Variants in ARHGEF19 observed in about 807,000 individuals in gnomAD.
ARHGEF19 encodes Rho guanine nucleotide exchange factor 19.
Under a neutral mutation model 87.6 loss-of-function variants are expected in ARHGEF19, and 92 were observed. The ratio of observed to expected loss-of-function variants is 1.05; its 90% CI spans 0.89 to 1.25. ARHGEF19 has a LOEUF of 1.25. ARHGEF19 is among the 50% of genes most tolerant of loss of function. The probability of loss-of-function intolerance (pLI) is 0.00; values close to 1 mark genes in which losing one functional copy is unlikely to be tolerated. For missense variants in ARHGEF19, 1,054 were observed against 1,051.8 expected (o/e 1.00, Z -0.03); for synonymous variants, 438 against 446.2 (o/e 0.98, Z 0.23).
In ARHGEF19 at chr1:16,205,767, T is replaced by A. The variant is rs1238385147; in HGVS notation, c.1452-100A>T. ...GGTCCTCAGGGGGCTTCTCAGCACA[T>A]CCTTACTGCCCTTTGGGGTTGCATC... On this transcript the variant is annotated intron_variant, in intron 8 of 15. Coordinates refer to ENST00000270747, the MANE Select transcript of ARHGEF19 (RefSeq NM_153213.5). The surrounding 1 kb of genome is among the most constrained non-coding windows in gnomAD (Gnocchi z 5.8). 3 of 1,499,478 alleles carry A rather than the reference T, an allele frequency of 2.0e-6. No homozygotes were observed. Among genetic ancestry groups the A allele is most frequent in the Non-Finnish European group, 2.7e-6 (3 of 1,121,040 alleles). The allele number at this position is 1,499,478 out of a possible 1,614,324, so 92.9% of individuals were successfully genotyped here.
rs2081120978 is a variant in ARHGEF19 at position 16,205,499 on chromosome 1, C to T, written c.1581+39G>A. The T allele has an allele frequency of 6.2e-7, 1 of 1,613,586 alleles. No homozygotes were observed. On this transcript the variant is annotated intron_variant, in intron 9 of 15. Coordinates refer to ENST00000270747, the MANE Select transcript of ARHGEF19 (RefSeq NM_153213.5). This position sits in a 1 kb window ranked among gnomAD's most constrained non-coding sequence, Gnocchi z 5.8. ...CCGGCCCGCCCACAGGTGTATCTCC[C>T]TCGCCCAGCCCTCACTGTGGCCTGT...
At position 16,201,021 on chromosome 1, in the gene ARHGEF19, C is replaced by T. The variant is rs184536478; in HGVS notation, c.2146+761G>A. On this transcript the variant is annotated intron_variant, in intron 14 of 15. Coordinates refer to ENST00000270747, the MANE Select transcript of ARHGEF19 (RefSeq NM_153213.5). The stretch of plus-strand genomic sequence containing the variant: ...TTGAGTCCAGGAGTTTGAGGCCAGG[C>T]TGGGCAACATAGCAATACCCTATCT... Among the ~76,000 whole-genome samples, 9 of 152,248 alleles carry T rather than the reference C, an allele frequency of 5.9e-5. No individual in the cohort carries two copies. The East Asian group carries it at 1.7e-3, about 29-fold the overall frequency.
Position 16,207,131 on chromosome 1 carries a change from C to T in ARHGEF19, c.954G>A (p.Gly318=). The change falls in exon 6 of 16, where the codon GGG becomes GGA. Residue 318 remains glycine (G), a synonymous_variant. Transcript: ENST00000270747. The surrounding 1 kb of genome is among the most constrained non-coding windows in gnomAD (Gnocchi z 4.0). Reference sequence around the variant, plus strand: ...CCTCCTCTGCGCCCTCGGCCTCGTCCCCCGGGCCCTCCTCCTCGCGCTGCT... The same window carrying T: ...CCTCCTCTGCGCCCTCGGCCTCGTCTCCCGGGCCCTCCTCCTCGCGCTGCT... ...RRQQREEEGP[G]DEAEGAEEGP... is the part of the protein sequence containing the mutation. 2 of 1,524,246 alleles carry T rather than the reference C, an allele frequency of 1.3e-6. No homozygotes were observed. Among genetic ancestry groups the T allele is most frequent in the South Asian group, 1.2e-5 (1 of 82,426 alleles). The allele number at this position is 1,524,246 out of a possible 1,614,324, so 94.4% of individuals were successfully genotyped here. A position where few individuals can be genotyped will look rare whatever the true frequency, so the allele number is the denominator to read the frequency against.
rs772890990 is a variant in ARHGEF19 at position 16,205,612 on chromosome 1, A to G, written c.1507T>C (p.Cys503Arg). The G allele has an allele frequency of 1.1e-5, 18 of 1,613,718 alleles. No individual in the cohort carries two copies. The highest frequency in any genetic ancestry group is 1.7e-5 in the Admixed American group (1 of 59,926). ...AAGGAGGTAAGGGGCAGACGCTGGCACACAGGAGACTCCTCCAGGCGAGCC... is the reference window on the plus strand; with the variant it reads ...AAGGAGGTAAGGGGCAGACGCTGGCGCACAGGAGACTCCTCCAGGCGAGCC... ...ILARLEESPV[C>R]QRLPLTSFLI... The change falls in exon 9 of 16, where the codon TGC (cysteine) becomes CGC (arginine). Residue 503 changes from cysteine to arginine, a missense_variant. Coordinates refer to ENST00000270747, the MANE Select transcript of ARHGEF19 (RefSeq NM_153213.5). The surrounding 1 kb of genome is among the most constrained non-coding windows in gnomAD (Gnocchi z 5.8).
chr1:16,208,168 G>C lies in ARHGEF19; in HGVS notation c.470C>G (p.Ala157Gly). 6.2e-7 allele frequency: 1 copy of C among 1,613,342 alleles called. No homozygotes were observed. Among genetic ancestry groups the C allele is most frequent in the Non-Finnish European group, 8.5e-7 (1 of 1,179,548 alleles). ...TACCTGGCCAGGCTCTAGGAAGACA[G>C]CGTGGGCCTCGGGGCAGCCGGGGAC... ...EEVPGCPEAH[A>G]VFLEPGQVVQ... Residue 157 changes from alanine (A) to glycine (G), a missense_variant, in exon 3 of 16, where the codon GCT becomes GGT. By Grantham distance (60) the Ala-to-Gly change is moderately conservative. Transcript: ENST00000270747.
rs758237976 is a variant in ARHGEF19, at chr1:16,207,827, G to T, written c.695-50C>A. The T allele has an allele frequency of 6.3e-7, 1 of 1,598,038 alleles. No individual in the cohort carries two copies. ...GGGGGGTCCAGAGAGTGGGCCTGGG[G>T]CCTGGGCCCCGGCCCAGGCACCCTG... is the stretch of plus-strand genomic sequence containing the variant. On this transcript the variant is annotated intron_variant, in intron 3 of 15. Coordinates refer to ENST00000270747, the MANE Select transcript of ARHGEF19 (RefSeq NM_153213.5). The surrounding 1 kb of genome is among the most constrained non-coding windows in gnomAD (Gnocchi z 4.0).
At position 16,206,023 on chromosome 1, in the gene ARHGEF19, G is replaced by A. The variant is rs375491467; in HGVS notation, c.1359C>T (p.Asp453=). The A allele has an allele frequency of 1.9e-6, 3 of 1,600,290 alleles. No individual in the cohort carries two copies. Among genetic ancestry groups the A allele is most frequent in the Non-Finnish European group, 1.7e-6 (2 of 1,173,412 alleles). Residue 453 remains aspartate (D), a synonymous_variant, in exon 8 of 16, where the codon GAC becomes GAT. Transcript: ENST00000270747. The surrounding 1 kb of genome is among the most constrained non-coding windows in gnomAD (Gnocchi z 4.6). ...EADVLRFSVC[D]VVLDHCPAFR... ...AGGCCGGGCAGTGGTCCAGCACCACGTCGCACACGCTGAAGCGCAGCACAT... is the reference window on the plus strand; with the variant it reads ...AGGCCGGGCAGTGGTCCAGCACCACATCGCACACGCTGAAGCGCAGCACAT...
chr1:16,198,668 G>A lies in ARHGEF19; in HGVS notation c.2328C>T (p.Ser776=). 1.2e-6 allele frequency: 2 copies of A among 1,613,790 alleles called. No individual in the cohort carries two copies. Among genetic ancestry groups the A allele is most frequent in the Non-Finnish European group, 1.7e-6 (2 of 1,179,790 alleles). Residue 776 remains serine (S), a synonymous_variant, in exon 16 of 16, where the codon AGC becomes AGT. Coordinates refer to ENST00000270747, the MANE Select transcript of ARHGEF19 (RefSeq NM_153213.5). This position sits in a 1 kb window ranked among gnomAD's most constrained non-coding sequence, Gnocchi z 4.1. ...GGAGGTTTCGGAGGCGGGCGCTGAG[G>A]CTGCTGATCTCTTCCACATAGGCCT... ...VPQAYVEEIS[S]LSARLRNLRE...
rs1415560663 is a variant in ARHGEF19, at chr1:16,206,488, C to A, written c.1138-148G>T. ...CTAATCTGGCGCCGGGCGGGCCCGGCGACCCACGTCCCGCCGCGGGAAATT... is the reference window on the plus strand; with the variant it reads ...CTAATCTGGCGCCGGGCGGGCCCGGAGACCCACGTCCCGCCGCGGGAAATT... On this transcript the variant is annotated intron_variant, in intron 6 of 15. Coordinates refer to ENST00000270747, the MANE Select transcript of ARHGEF19 (RefSeq NM_153213.5). The surrounding 1 kb of genome is among the most constrained non-coding windows in gnomAD (Gnocchi z 4.6). 1 of 814,458 alleles carries A rather than the reference C, an allele frequency of 1.2e-6. No homozygotes were observed. Among genetic ancestry groups the A allele is most frequent in the Admixed American group, 2.8e-5 (1 of 35,782 alleles). 50.5% of individuals were successfully genotyped at this position (814,458 alleles called of 1,614,324 possible). A position where few individuals can be genotyped will look rare whatever the true frequency, so the allele number is the denominator to read the frequency against.
chr1:16,199,766 A>T (rs1293722748), intron 14 of ARHGEF19, among the ~76,000 whole-genome samples: 1 of 152,022 alleles, frequency 6.6e-6, no homozygotes. Context: ...AGGCCCTACA[A>T]GGCCCTTCAT....
intron 12 of ARHGEF19, 114 bp downstream of exon 12, chr1:16,204,645 C>G: frequency 1.5e-6 from 2 of 1,311,874 alleles, no homozygotes; most frequent in Non-Finnish European, 1.0e-6. Context: ...GCAGCATACC[C>G]TGGCACAGGC....
Position 16,208,748 on chromosome 1 carries a change from G to C in ARHGEF19, c.307C>G (p.Pro103Ala), listed in dbSNP as rs145606060. 4.7e-4 allele frequency: 760 copies of C among 1,611,626 alleles called. 1 individual carries two copies. The highest frequency in any genetic ancestry group is 6.2e-4 in the Non-Finnish European group (728 of 1,179,252). Reference protein sequence around the residue: ...GMRPSRAGSWPHCPGAQPPAL... With the variant: ...GMRPSRAGSWAHCPGAQPPAL... ...GGGGGCTGGGCACCAGGACAGTGTG[G>C]CCAGCTGCCAGCCCTGCTGGGCCGC... The change falls in exon 2 of 16, where the codon CCA becomes GCA. Residue 103 changes from proline (P) to alanine (A), a missense_variant. Coordinates refer to ENST00000270747, the MANE Select transcript of ARHGEF19 (RefSeq NM_153213.5).
In ARHGEF19 at chr1:16,207,883, G is replaced by GGGCCC; in HGVS notation, c.694+60_694+61insGGGCC. 6.1e-6 allele frequency: 9 copies of GGGCCC among 1,476,414 alleles called. No individual in the cohort carries two copies. The highest frequency in any genetic ancestry group is 8.4e-6 in the Non-Finnish European group (9 of 1,069,246). The allele number at this position is 1,476,414 out of a possible 1,614,324, so 91.5% of individuals were successfully genotyped here. On this transcript the variant is annotated intron_variant, in intron 3 of 15. Coordinates refer to ENST00000270747, the MANE Select transcript of ARHGEF19 (RefSeq NM_153213.5). This position sits in a 1 kb window ranked among gnomAD's most constrained non-coding sequence, Gnocchi z 4.0. The stretch of plus-strand genomic sequence containing the variant: ...CTCAGGCGGCCGGTGAGTGGGCATC[G>GGGCCC]CCCACCCCCACCCCCACCCGGCATC...
At position 16,207,192 on chromosome 1, in the gene ARHGEF19, T is replaced by C. The variant is rs1214113142; in HGVS notation, c.893A>G (p.Tyr298Cys). Residue 298 changes from tyrosine (Y) to cysteine (C), a missense_variant, in exon 6 of 16, where the codon TAC becomes TGC. Transcript: ENST00000270747. The surrounding 1 kb of genome is among the most constrained non-coding windows in gnomAD (Gnocchi z 4.0). The part of the protein sequence containing the change: ...FLLNSVLYQE[Y>C]SDVASARELR... ...TTCGCGGGCGCTGGCCACGTCGCTG[T>C]ATTCCTGATAGAGGACGGCTGGGGG... The C allele has an allele frequency of 3.3e-6, 5 of 1,532,420 alleles. No individual in the cohort carries two copies. Among genetic ancestry groups the C allele is most frequent in the Non-Finnish European group, 8.7e-7 (1 of 1,143,630 alleles). The allele number at this position is 1,532,420 out of a possible 1,614,324, so 94.9% of individuals were successfully genotyped here.
intron 1 of ARHGEF19, among the ~76,000 whole-genome samples, chr1:16,210,302 G>A (rs1024672141): frequency 5.9e-5 from 9 of 152,148 alleles, no homozygotes; most frequent in African/African-American, 2.2e-4. Flanking sequence ...CAGGCAGCGG[G>A]CTGGGCGGGG....
Position 16,205,502 on chromosome 1 carries a change from G to T in ARHGEF19, c.1581+36C>A, listed in dbSNP as rs769886077. 1 of 1,613,456 alleles carries T rather than the reference G, an allele frequency of 6.2e-7. No homozygotes were observed. Among genetic ancestry groups the T allele is most frequent in the South Asian group, 1.1e-5 (1 of 91,034 alleles). On this transcript the variant is annotated intron_variant, in intron 9 of 15. Transcript: ENST00000270747. The surrounding 1 kb of genome is among the most constrained non-coding windows in gnomAD (Gnocchi z 5.8). ...GCCCGCCCACAGGTGTATCTCCCTC[G>T]CCCAGCCCTCACTGTGGCCTGTCCC...
rs148325785 is a variant in ARHGEF19 at position 16,199,162 on chromosome 1, A to C, written c.2239T>G (p.Trp747Gly). The change falls in exon 15 of 16, where the codon TGG becomes GGG. Residue 747 changes from tryptophan (W) to glycine (G), a missense_variant. Transcript: ENST00000270747. ...EKTDILSVRT[W>G]TSDGWLEGVR... ...GAGGCCCCCTCACCGTCACTGGTCC[A>C]GGTCCTCACTGACAGGATGTCAGTC... 1 of 1,613,766 alleles carries C rather than the reference A, an allele frequency of 6.2e-7. No homozygotes were observed. Among genetic ancestry groups the C allele is most frequent in the African/African-American group, 1.3e-5 (1 of 74,854 alleles).
Position 16,206,403 on chromosome 1 carries a change from C to T in ARHGEF19, c.1138-63G>A. 1 of 1,534,474 alleles carries T rather than the reference C, an allele frequency of 6.5e-7. No individual in the cohort carries two copies. The highest frequency in any genetic ancestry group is 2.4e-5 in the East Asian group (1 of 41,294). On this transcript the variant is annotated intron_variant, in intron 6 of 15. Transcript: ENST00000270747. This position sits in a 1 kb window ranked among gnomAD's most constrained non-coding sequence, Gnocchi z 4.6. ...CAGTTCACCTCGGAGGCCCTGGCCT[C>T]ACATCCCCAGACCCCAGGACGCCAC... is the stretch of plus-strand genomic sequence containing the variant.
Position 16,203,327 on chromosome 1 carries a change from G to C in ARHGEF19, c.1908-753C>G, listed in dbSNP as rs190958202. On this transcript the variant is annotated intron_variant, in intron 12 of 15. Transcript: ENST00000270747. ...ACCAGTTTGCCCAAGAGGAAACTCA[G>C]ACGTCATGCTCACCTCTTCCCTTTC... Among the ~76,000 whole-genome samples, 485 of 152,238 alleles carry C rather than the reference G, an allele frequency of 3.2e-3. 5 individuals are homozygous for C. Among genetic ancestry groups the C allele is most frequent in the Non-Finnish European group, 4.7e-3 (320 of 68,022 alleles).
Sources: gnomAD v4.1 joint callset for allele counts (sites outside exome capture counted in the v4.1 genomes callset) on GRCh38, gnomAD v4.1.1 for gene constraint, Gnocchi (gnomAD v3.1) non-coding constraint, MANE v1.5 for transcripts, NCBI Gene and HGNC (gene_info 2026-07-23, HGNC 2026-07-21) for gene names.